Variants in MCM9 observed in about 807,000 individuals in gnomAD.
MCM9 encodes DNA helicase MCM9.
A neutral mutation model predicts 72.8 loss-of-function variants in MCM9; 55 were observed. The ratio of observed to expected loss-of-function variants is 0.76; its 90% CI spans 0.61 to 0.95. The LOEUF (loss-of-function observed/expected upper bound fraction) is 0.95. MCM9 is among the 40% of genes least tolerant of loss of function. MCM9 has a pLI of 0.00. For missense variants in MCM9, 1,279 were observed against 1,377.0 expected, an observed-to-expected ratio of 0.93 and a Z score of 1.13; for synonymous variants, 480 against 503.4, an observed-to-expected ratio of 0.95 and a Z score of 0.62.
At chr6:118,828,971 A>G (rs1158946250) in intron 10 of MCM9, 77 bp downstream of exon 10, 1 of 1,409,974 alleles carries the variant, frequency 7.1e-7, no homozygotes, top group East Asian at 2.5e-5. Context: ...TATTTATTTA[A>G]TTTTCTTGAA....
At chr6:118,855,354 C>T (rs768095629) in intron 9 of MCM9, among the ~76,000 whole-genome samples, 28 of 152,208 alleles carry the variant, frequency 1.8e-4, no homozygotes, top group Non-Finnish European at 3.7e-4. Flanking sequence ...ACCGTGAATA[C>T]CTGAAGGACA....
intron 8 of MCM9, among the ~76,000 whole-genome samples, chr6:118,858,835 T>C (rs1776732455): frequency 6.6e-6 from 1 of 152,196 alleles, no homozygotes; most frequent in Admixed American, 6.5e-5. Flanking sequence ...AAAACTCTAT[T>C]TTCAAGATGT....
Position 118,909,065 on chromosome 6 carries a change from C to T in MCM9, c.1150+2585G>A, listed in dbSNP as rs567900919. 5 of 152,242 alleles carry T rather than the reference C, an allele frequency of 3.3e-5. No homozygotes were observed. The East Asian group carries it at 5.8e-4, about 18-fold the overall frequency. The allele number at this position is 152,242 out of a possible 1,614,324, so 9.4% of individuals were successfully genotyped here. Reference sequence around the variant, plus strand: ...GTTCATAGATTTTAAAAGTAAAATACTTCTGACTGTTAAAACTATATAAAG... The same window carrying T: ...GTTCATAGATTTTAAAAGTAAAATATTTCTGACTGTTAAAACTATATAAAG... On this transcript the variant is annotated intron_variant, in intron 8 of 13. Transcript: ENST00000619706.
At chr6:118,829,025 A>G (rs920406130) in intron 10 of MCM9, 23 bp downstream of exon 10, 9 of 1,546,078 alleles carry the variant, frequency 5.8e-6, no homozygotes, top group Non-Finnish European at 7.9e-6. Flanking sequence ...GTTATTTTGA[A>G]TGCTTTGTTT....
Position 118,815,203 on chromosome 6 carries a change from G to A in MCM9, c.3053C>T (p.Pro1018Leu). 1.3e-6 allele frequency: 2 copies of A among 1,550,544 alleles called. No homozygotes were observed. The highest frequency in any genetic ancestry group is 1.7e-6 in the Non-Finnish European group (2 of 1,146,960). ...AGTCTCGTTCCCAAGCTCTAATTCA[G>A]GCTGAATAATCCTCTTCTCAGGGGC... ...MCAPEKRIIQ[P>L]ELELGNETGC... Residue 1018 changes from proline to leucine, a missense_variant, in exon 14 of 14, where the codon CCT becomes CTT. Coordinates refer to ENST00000619706, the MANE Select transcript of MCM9 (RefSeq NM_017696.3).
At chr6:118,828,824 C>A (rs538189740) in intron 10 of MCM9, among the ~76,000 whole-genome samples, 1 of 152,292 alleles carries the variant, frequency 6.6e-6, no homozygotes, top group South Asian at 2.1e-4. Context: ...TTTATAACAA[C>A]TTTAGTCTCA....
chr6:118,901,041 G>A, intron 8 of MCM9: 1 of 571,872 alleles, frequency 1.7e-6, no homozygotes. Context: ...CAGTCTCTGT[G>A]TCACAGAGGA....
In MCM9 at chr6:118,845,383, C is replaced by T. The variant is rs1672059649; in HGVS notation, c.1325+10988G>A. Among the ~76,000 whole-genome samples, 3 of 151,930 alleles carry T rather than the reference C, an allele frequency of 2.0e-5. No individual in the cohort carries two copies. In the South Asian group the frequency reaches 6.2e-4, roughly 31 times the overall value. On this transcript the variant is annotated intron_variant, in intron 9 of 13. Coordinates refer to ENST00000619706, the MANE Select transcript of MCM9 (RefSeq NM_017696.3). ...TAGTTACGGAGAGTTCAGTAATGTG[C>T]TCAGCTAGCAAGTTGTGAAGCTGGA... is the stretch of plus-strand genomic sequence containing the variant.
intron 8 of MCM9, chr6:118,894,532 G>C: frequency 6.5e-7 from 1 of 1,531,540 alleles, no homozygotes; most frequent in Non-Finnish European, 8.8e-7. Context: ...GGTGAGTGCG[G>C]CGCCCGTGCG....
At chr6:118,823,097 C>T (rs557849197) in intron 13 of MCM9, among the ~76,000 whole-genome samples, 2 of 152,182 alleles carry the variant, frequency 1.3e-5, no homozygotes, top group East Asian at 3.9e-4. Flanking sequence ...CCATCAGCCC[C>T]CTTTCCAGGG....
At chr6:118,824,951 G>C (rs1411751187) in intron 13 of MCM9, among the ~76,000 whole-genome samples, 2 of 152,178 alleles carry the variant, frequency 1.3e-5, no homozygotes, top group Non-Finnish European at 2.9e-5. Flanking sequence ...CTTTTAGATT[G>C]TCAAATACTC....
rs1780545021 is a variant in MCM9, at chr6:118,911,565, AT to A, written c.1150+84del. 5.2e-5 allele frequency: 79 copies of A among 1,512,044 alleles called. 1 individual carries two copies. In the South Asian group the frequency reaches 1.0e-3, roughly 19 times the overall value. The allele number at this position is 1,512,044 out of a possible 1,614,324, so 93.7% of individuals were successfully genotyped here. The stretch of plus-strand genomic sequence containing the variant: ...CAAAAATTAGCTTGAAATTTATCCT[AT>A]TATAGGTAGTTTTTCATTAGAAAAA... On this transcript the variant is annotated intron_variant, in intron 8 of 13. Coordinates refer to ENST00000619706, the MANE Select transcript of MCM9 (RefSeq NM_017696.3).
chr6:118,824,586 G>A (rs771920871), intron 13 of MCM9, among the ~76,000 whole-genome samples: 76 of 152,160 alleles, frequency 5.0e-4, no homozygotes, highest in Non-Finnish European at 9.7e-4. Context: ...TGGGATTACA[G>A]GTGTGAGCCA....
intron 8 of MCM9, among the ~76,000 whole-genome samples, chr6:118,879,342 G>A (rs1778140566): frequency 6.6e-6 from 1 of 151,572 alleles, no homozygotes. Flanking sequence ...TGAAAGGATG[G>A]AGAAAGATAT....
At chr6:118,903,604 A>G (rs1779961029) in intron 8 of MCM9, among the ~76,000 whole-genome samples, 1 of 152,242 alleles carries the variant, frequency 6.6e-6, no homozygotes, top group African/African-American at 2.4e-5. Context: ...TATTGATTCT[A>G]CCTTCTGAGT....
chr6:118,907,359 C>G (rs1279197690), intron 8 of MCM9: 1 of 1,392,410 alleles, frequency 7.2e-7, no homozygotes, highest in Admixed American at 2.0e-5. Flanking sequence ...GGTGATTTAA[C>G]TTTCTTAGTG....
intron 13 of MCM9, among the ~76,000 whole-genome samples, chr6:118,820,005 T>TAG: frequency 6.6e-6 from 1 of 152,170 alleles, no homozygotes; most frequent in Non-Finnish European, 1.5e-5. Flanking sequence ...ATTTGATTCT[T>TAG]CTCTCTTTTC....
At chr6:118,816,754 G>T (rs369353596) in intron 13 of MCM9, among the ~76,000 whole-genome samples, 1 of 152,338 alleles carries the variant, frequency 6.6e-6, no homozygotes, top group East Asian at 1.9e-4. Flanking sequence ...AGGAACCAAA[G>T]TGAAAGACTG....
At chr6:118,852,123 G>A (rs1776268264) in intron 9 of MCM9, among the ~76,000 whole-genome samples, 2 of 152,116 alleles carry the variant, frequency 1.3e-5, no homozygotes, top group African/African-American at 4.8e-5. Flanking sequence ...TTACTGTACT[G>A]AATACCATAG....
Sources: allele counts gnomAD v4.1 joint callset (sites outside exome capture counted in the v4.1 genomes callset), GRCh38; gene constraint gnomAD v4.1.1; transcripts MANE v1.5; gene names NCBI Gene and HGNC (gene_info 2026-07-23, HGNC 2026-07-21).